Variants in BNC2 observed in about 807,000 individuals in gnomAD.
The protein encoded by BNC2 is zinc finger protein basonuclin-2.
In BNC2, 20 loss-of-function variants were observed where a neutral mutation model predicts 76.3. The observed-to-expected ratio is 0.26, with a 90% CI of 0.18 to 0.38. The LOEUF (loss-of-function observed/expected upper bound fraction) is 0.38. Ranked by LOEUF, BNC2 falls within the 10% of genes least tolerant of loss-of-function variation. The probability of loss-of-function intolerance (pLI) is 1.00; values close to 1 mark genes in which losing one functional copy is unlikely to be tolerated. For missense variants in BNC2, 1,382 were observed against 1,399.8 expected (o/e 0.99, Z 0.20); for synonymous variants, 582 against 514.8 (o/e 1.13, Z -1.77).
Position 16,520,264 on chromosome 9 carries a change from A to G in BNC2, c.669+32266T>C, listed in dbSNP as rs569105283. On this transcript the variant is annotated intron_variant, in intron 5 of 6. Coordinates refer to ENST00000380672, the MANE Select transcript of BNC2 (RefSeq NM_017637.6). ...TCTTCCAGCTTGAAGCATTCTTGTC[A>G]TAAGGGTCACAGAAAAGGAAACATC... Among the ~76,000 whole-genome samples the G allele has an allele frequency of 1.8e-4, 28 of 152,310 alleles. No individual in the cohort carries two copies. The East Asian group carries it at 4.3e-3, about 23-fold the overall frequency.
intron 5 of BNC2, among the ~76,000 whole-genome samples, chr9:16,529,408 TTA>T (rs1817910392): frequency 6.6e-6 from 1 of 152,204 alleles, no homozygotes; most frequent in East Asian, 1.9e-4. Flanking sequence ...TGGAGAAGTG[TTA>T]TCTCTACAAA....
At chr9:16,542,767 C>A (rs908292402) in intron 5 of BNC2, among the ~76,000 whole-genome samples, 10 of 152,312 alleles carry the variant, frequency 6.6e-5, no homozygotes, top group Non-Finnish European at 1.2e-4. Context: ...ATACAGGTAT[C>A]ATGAAGAAAT....
At chr9:16,476,528 A>G (rs564099553) in intron 5 of BNC2, among the ~76,000 whole-genome samples, 2 of 151,918 alleles carry the variant, frequency 1.3e-5, no homozygotes, top group East Asian at 3.9e-4. Flanking sequence ...AGTACTCTAG[A>G]TAACTTGCTT....
intron 1 of BNC2, among the ~76,000 whole-genome samples, chr9:16,869,265 C>G (rs531668961): frequency 4.6e-5 from 7 of 152,250 alleles, no homozygotes; most frequent in African/African-American, 1.7e-4. Flanking sequence ...CCTGGGTACA[C>G]AGGATTATTT....
chr9:16,862,390 T>A (rs539997628), intron 1 of BNC2, among the ~76,000 whole-genome samples: 1 of 152,350 alleles, frequency 6.6e-6, no homozygotes, highest in East Asian at 1.9e-4. Flanking sequence ...TATAGTGTTA[T>A]ATAAAATATG....
chr9:16,417,065 TAC>T lies in BNC2; in HGVS notation c.*1922_*1923del, dbSNP rs1243722676. The stretch of plus-strand genomic sequence containing the variant: ...GAGGCCATTAAATGCAAAAAAGAAA[TAC>T]ATTCTCTTTAAATTATTGTGTACTG... On this transcript the variant is annotated 3_prime_UTR_variant, in exon 7 of 7. Coordinates refer to ENST00000380672, the MANE Select transcript of BNC2 (RefSeq NM_017637.6). The T allele has an allele frequency of 6.6e-6, 1 of 152,348 alleles. No individual in the cohort carries two copies. The highest frequency in any genetic ancestry group is 1.5e-5 in the Non-Finnish European group (1 of 67,992). 9.4% of individuals were successfully genotyped at this position (152,348 alleles called of 1,614,324 possible). A position where few individuals can be genotyped will look rare whatever the true frequency, so the allele number is the denominator to read the frequency against.
Position 16,546,529 on chromosome 9 carries a change from A to G in BNC2, c.669+6001T>C, listed in dbSNP as rs538996798. Among the ~76,000 whole-genome samples, 11 of 152,352 alleles carry G rather than the reference A, an allele frequency of 7.2e-5. No homozygotes were observed. The South Asian group carries it at 2.3e-3, about 32-fold the overall frequency. Reference sequence around the variant, plus strand: ...ATGTATCCCTGGAAAGGCCAAGTCAAAGACCGGAATTTACAATAAAGCATT... The same window carrying G: ...ATGTATCCCTGGAAAGGCCAAGTCAGAGACCGGAATTTACAATAAAGCATT... On this transcript the variant is annotated intron_variant, in intron 5 of 6. Coordinates refer to ENST00000380672, the MANE Select transcript of BNC2 (RefSeq NM_017637.6).
intron 5 of BNC2, 95 bp from the exon 6 acceptor site, chr9:16,437,619 A>G (rs1821046111): frequency 7.1e-7 from 1 of 1,414,848 alleles, no homozygotes; most frequent in Non-Finnish European, 9.7e-7. Flanking sequence ...CTGTGTGCTC[A>G]TAAAACACTG....
At chr9:16,780,350 G>C (rs1488689689) in intron 1 of BNC2, among the ~76,000 whole-genome samples, 2 of 151,712 alleles carry the variant, frequency 1.3e-5, no homozygotes, top group Admixed American at 1.3e-4. Flanking sequence ...GAGGCTGGCA[G>C]ATCATGAGGT....
chr9:16,831,894 G>A (rs767913165), intron 1 of BNC2, among the ~76,000 whole-genome samples: 4 of 152,114 alleles, frequency 2.6e-5, no homozygotes, highest in Non-Finnish European at 5.9e-5. Context: ...GTTATAACAT[G>A]CACAGGCTAT....
intron 1 of BNC2, among the ~76,000 whole-genome samples, chr9:16,849,480 C>T (rs1819075065): frequency 6.6e-6 from 1 of 151,316 alleles, no homozygotes; most frequent in Non-Finnish European, 1.5e-5. Context: ...TGCCTCAGCC[C>T]CCAAAGTAGC....
In BNC2 at chr9:16,497,978, GGTGTGTGT is replaced by G. The variant is rs34523754; in HGVS notation, c.669+54544_669+54551del. 2.6e-3 allele frequency among the ~76,000 whole-genome samples: 349 copies of G among 134,868 alleles called. 1 individual carries two copies. Among genetic ancestry groups the G allele is most frequent in the African/African-American group, 7.5e-3 (286 of 38,134 alleles). The allele number at this position is 134,868 out of a possible 152,430, so 88.5% of individuals were successfully genotyped here. A position where few individuals can be genotyped will look rare whatever the true frequency, so the allele number is the denominator to read the frequency against. ...ATCAATGAGTGGATAAAGAAACTGTGGTGTGTGTGTGTGTGTGTGTGTGTGTGTGTGTG... is the reference window on the plus strand; with the variant it reads ...ATCAATGAGTGGATAAAGAAACTGTGGTGTGTGTGTGTGTGTGTGTGTGTG... On this transcript the variant is annotated intron_variant, in intron 5 of 6. Transcript: ENST00000380672.
intron 5 of BNC2, among the ~76,000 whole-genome samples, chr9:16,523,360 A>AAGGGACCCAG (rs1817680537): frequency 6.6e-6 from 1 of 151,646 alleles, no homozygotes; most frequent in Admixed American, 6.6e-5. Flanking sequence ...GGTCCCAGCT[A>AAGGGACCCAG]CTTGGGAGGC....
At chr9:16,487,311 T>G (rs1158352571) in intron 5 of BNC2, among the ~76,000 whole-genome samples, 1 of 152,206 alleles carries the variant, frequency 6.6e-6, no homozygotes, top group South Asian at 2.1e-4. Context: ...TAACAGGACA[T>G]GGAGTGTTAC....
chr9:16,457,263 T>C (rs1018559509), intron 5 of BNC2, among the ~76,000 whole-genome samples: 4 of 152,220 alleles, frequency 2.6e-5, no homozygotes, highest in African/African-American at 2.4e-5. Flanking sequence ...TCTGAATTTC[T>C]GACTTTTCTC....
chr9:16,831,927 AAG>A (rs1818586512), intron 1 of BNC2, among the ~76,000 whole-genome samples: 1 of 152,190 alleles, frequency 6.6e-6, no homozygotes, highest in Non-Finnish European at 1.5e-5. Context: ...CCTATCAACC[AAG>A]ATCTAGGAAA....
chr9:16,775,334 T>TAGCAATATACAGG (rs1367341465), intron 1 of BNC2, among the ~76,000 whole-genome samples: 2 of 151,560 alleles, frequency 1.3e-5, no homozygotes, highest in African/African-American at 4.9e-5. Flanking sequence ...TATACAGAAG[T>TAGCAATATACAGG]AGCTGCTGGC....
chr9:16,675,461 T>A (rs1200525214), intron 3 of BNC2, among the ~76,000 whole-genome samples: 2 of 152,134 alleles, frequency 1.3e-5, no homozygotes, highest in African/African-American at 4.8e-5. Context: ...CCTTTTGCCA[T>A]GTTGCCCACA....
At chr9:16,588,573 AAAAT>A (rs1819836254) in intron 3 of BNC2, among the ~76,000 whole-genome samples, 1 of 152,224 alleles carries the variant, frequency 6.6e-6, no homozygotes. Context: ...ACTTACAATA[AAAAT>A]AATTATAAAT....
Sources: allele counts gnomAD v4.1 joint callset (sites outside exome capture counted in the v4.1 genomes callset), GRCh38; gene constraint gnomAD v4.1.1; transcripts MANE v1.5; gene names NCBI Gene and HGNC (gene_info 2026-07-23, HGNC 2026-07-21).